Variants in DDX10 observed in about 807,000 individuals in gnomAD.
DDX10 encodes DEAD-box helicase 10.
A neutral mutation model predicts 104.3 loss-of-function variants in DDX10; 74 were observed. That is an observed-to-expected ratio of 0.71 (90% CI 0.59 to 0.86). DDX10 has a LOEUF of 0.86. Among genes scored for constraint, DDX10 ranks in the 40% least tolerant of loss-of-function variants. DDX10 has a pLI of 0.00. For synonymous variants in DDX10, 351 were observed against 353.4 expected (o/e 0.99, Z 0.08); for missense variants, 952 against 1,040.0 (o/e 0.92, Z 1.16).
At chr11:108,755,745 A>C (rs1015847407) in intron 13 of DDX10, among the ~76,000 whole-genome samples, 1 of 152,036 alleles carries the variant, frequency 6.6e-6, no homozygotes, top group African/African-American at 2.4e-5. Context: ...TTAGAGTTCA[A>C]ACCTTGCCTC....
intron 13 of DDX10, among the ~76,000 whole-genome samples, chr11:108,731,453 T>C (rs1591803831): frequency 6.6e-6 from 1 of 152,266 alleles, no homozygotes; most frequent in African/African-American, 2.4e-5. Flanking sequence ...TTTTGATTCT[T>C]CTCCATGTTT....
chr11:108,694,666 G>C (rs1403331558), intron 9 of DDX10, among the ~76,000 whole-genome samples: 2 of 152,184 alleles, frequency 1.3e-5, no homozygotes, highest in Non-Finnish European at 2.9e-5. Context: ...GGATCACGAG[G>C]TCAGGAGTTC....
At chr11:108,683,262 T>C (rs949677790) in intron 6 of DDX10, among the ~76,000 whole-genome samples, 1 of 152,222 alleles carries the variant, frequency 6.6e-6, no homozygotes, top group African/African-American at 2.4e-5. Context: ...TTGTTTTTCC[T>C]CATTTTGACT....
chr11:108,792,108 T>TA (rs1264722694), intron 13 of DDX10, among the ~76,000 whole-genome samples: 1 of 152,216 alleles, frequency 6.6e-6, no homozygotes, highest in African/African-American at 2.4e-5. Flanking sequence ...ATCTTCCATT[T>TA]AAAAATGGGT....
At chr11:108,747,905 A>C (rs549642540) in intron 13 of DDX10, among the ~76,000 whole-genome samples, 1 of 152,154 alleles carries the variant, frequency 6.6e-6, no homozygotes, top group African/African-American at 2.4e-5. Context: ...CTTCCTAGGT[A>C]CAGTATGTCA....
intron 6 of DDX10, among the ~76,000 whole-genome samples, chr11:108,687,375 C>T (rs1359444866): frequency 6.6e-6 from 1 of 152,132 alleles, no homozygotes; most frequent in African/African-American, 2.4e-5. Context: ...GTAGCATGAT[C>T]ATGGCTCACT....
chr11:108,776,978 G>C (rs2094370791), intron 13 of DDX10, among the ~76,000 whole-genome samples: 1 of 152,222 alleles, frequency 6.6e-6, no homozygotes, highest in African/African-American at 2.4e-5. Flanking sequence ...TGATAACCCT[G>C]AGCACAGAAC....
At chr11:108,726,270 A>G (rs1333313703) in intron 13 of DDX10, among the ~76,000 whole-genome samples, 1 of 152,110 alleles carries the variant, frequency 6.6e-6, no homozygotes, top group Non-Finnish European at 1.5e-5. Flanking sequence ...TCGTATAAAA[A>G]GCTTGCCGAT....
intron 16 of DDX10, among the ~76,000 whole-genome samples, chr11:108,900,042 G>A (rs1863494946): frequency 6.6e-6 from 1 of 152,044 alleles, no homozygotes; most frequent in Non-Finnish European, 1.5e-5. Context: ...GACCCAGGAG[G>A]CGGAGGTTGC....
At chr11:108,787,202 A>G (rs541175308) in intron 13 of DDX10, among the ~76,000 whole-genome samples, 29 of 152,316 alleles carry the variant, frequency 1.9e-4, no homozygotes, top group Admixed American at 1.1e-3. Flanking sequence ...GGTTTCTTCT[A>G]AGAGGTCTGC....
chr11:108,732,036 C>A (rs2094312959), intron 13 of DDX10, among the ~76,000 whole-genome samples: 1 of 152,110 alleles, frequency 6.6e-6, no homozygotes, highest in African/African-American at 2.4e-5. Context: ...TCTTGATTAT[C>A]TTTTTTTCCC....
rs147492207 is a variant in DDX10 at position 108,879,154 on chromosome 11, A to G, written c.2304+26945A>G. On this transcript the variant is annotated intron_variant, in intron 16 of 17. Coordinates refer to ENST00000322536, the MANE Select transcript of DDX10 (RefSeq NM_004398.4). The stretch of plus-strand genomic sequence containing the variant: ...GTAGCTGGGACTACAGGTGCACGCC[A>G]CCACACCCGGCTAATTTTTTGTAAT... 9.5e-3 allele frequency among the ~76,000 whole-genome samples: 1,445 copies of G among 152,182 alleles called. 19 individuals are homozygous for G. Among genetic ancestry groups the G allele is most frequent in the Non-Finnish European group, 0.017 (1,177 of 67,996 alleles).
At chr11:108,683,041 A>G (rs559361832) in intron 6 of DDX10, among the ~76,000 whole-genome samples, 2 of 152,262 alleles carry the variant, frequency 1.3e-5, no homozygotes, top group South Asian at 2.1e-4. Context: ...TAGCCTGGCA[A>G]TTAGACTCTG....
chr11:108,911,666 C>T (rs956176687), intron 16 of DDX10, among the ~76,000 whole-genome samples: 4 of 148,456 alleles, frequency 2.7e-5, no homozygotes, highest in South Asian at 4.3e-4. Flanking sequence ...CTCTTGGGCT[C>T]AAGCCATTCT....
intron 16 of DDX10, among the ~76,000 whole-genome samples, chr11:108,877,212 A>T (rs1228056463): frequency 6.6e-6 from 1 of 152,224 alleles, no homozygotes; most frequent in African/African-American, 2.4e-5. Flanking sequence ...ATGTTTTCAG[A>T]TTAAAGCTTG....
At chr11:108,674,120 G>A (rs1007194931) in intron 2 of DDX10, among the ~76,000 whole-genome samples, 4 of 152,062 alleles carry the variant, frequency 2.6e-5, no homozygotes, top group Admixed American at 1.3e-4. Flanking sequence ...TCAGGAGTTT[G>A]AGACCAGCCT....
intron 13 of DDX10, among the ~76,000 whole-genome samples, chr11:108,835,350 T>C (rs913246715): frequency 6.6e-6 from 1 of 152,126 alleles, no homozygotes; most frequent in Admixed American, 6.5e-5. Context: ...GTTGGTGATA[T>C]TTGTGGAGTC....
intron 13 of DDX10, among the ~76,000 whole-genome samples, chr11:108,776,141 T>G (rs1700643097): frequency 6.6e-6 from 1 of 152,194 alleles, no homozygotes; most frequent in Admixed American, 6.5e-5. Context: ...TTTCTGGGAT[T>G]TCAGTGGAAA....
Position 108,687,077 on chromosome 11 carries a change from G to A in DDX10, c.849-1859G>A, listed in dbSNP as rs925290436. On this transcript the variant is annotated intron_variant, in intron 6 of 17. Coordinates refer to ENST00000322536, the MANE Select transcript of DDX10 (RefSeq NM_004398.4). The stretch of plus-strand genomic sequence containing the variant: ...TGGGATTACAGGCATGAGTCACTGC[G>A]CCCGGCCTCAAGTATGTTTGGTTTT... Among the ~76,000 whole-genome samples, 11 of 152,222 alleles carry A rather than the reference G, an allele frequency of 7.2e-5. No homozygotes were observed. In the East Asian group the frequency reaches 1.2e-3, roughly 16 times the overall value.
Sources: allele counts gnomAD v4.1 joint callset (sites outside exome capture counted in the v4.1 genomes callset), GRCh38; gene constraint gnomAD v4.1.1; transcripts MANE v1.5; gene names NCBI Gene and HGNC (gene_info 2026-07-23, HGNC 2026-07-21).